The following TMEM178B variants were observed in gnomAD, a reference collection of about 807,000 sequenced individuals.
TMEM178B encodes transmembrane protein 178B.
In TMEM178B, 5 loss-of-function variants were observed where a neutral mutation model predicts 31.0. That is an observed-to-expected ratio of 0.16 (90% CI 0.08 to 0.34). The LOEUF (loss-of-function observed/expected upper bound fraction) is 0.34. Ranked by LOEUF, TMEM178B falls within the 10% of genes least tolerant of loss-of-function variation. The probability of loss-of-function intolerance (pLI) is 1.00; values close to 1 mark genes in which losing one functional copy is unlikely to be tolerated. For synonymous variants in TMEM178B, 164 were observed against 164.0 expected (o/e 1.00, Z 0.00); for missense variants, 275 against 400.3 (o/e 0.69, Z 2.67).
At chr7:141,362,627 T>A (rs1799935373) in intron 2 of TMEM178B, among the ~76,000 whole-genome samples, 1 of 152,150 alleles carries the variant, frequency 6.6e-6, no homozygotes, top group African/African-American at 2.4e-5. Context: ...AATCTAAGAA[T>A]CATCACTCTG....
intron 3 of TMEM178B, among the ~76,000 whole-genome samples, chr7:141,466,183 A>C (rs1490235832): frequency 1.3e-5 from 2 of 152,206 alleles, no homozygotes; most frequent in African/African-American, 2.4e-5. Context: ...CTCAAGTGGG[A>C]GACATAAAGG....
Position 141,344,519 on chromosome 7 carries a change from A to T in TMEM178B, c.497-93089A>T, listed in dbSNP as rs1238761843. Among the ~76,000 whole-genome samples, 2 of 152,064 alleles carry T rather than the reference A, an allele frequency of 1.3e-5. No individual in the cohort carries two copies. Among genetic ancestry groups the T allele is most frequent in the African/African-American group, 4.8e-5 (2 of 41,388 alleles). Reference sequence around the variant, plus strand: ...AAATTTTTAAAAATGTAATTTTAAGACTTTTTAAAGCTGGGATTTTAGTTT... The same window carrying T: ...AAATTTTTAAAAATGTAATTTTAAGTCTTTTTAAAGCTGGGATTTTAGTTT... On this transcript the variant is annotated intron_variant, in intron 2 of 3. Coordinates refer to ENST00000565468, the MANE Select transcript of TMEM178B (RefSeq NM_001195278.2). The surrounding 1 kb of genome is among the most constrained non-coding windows in gnomAD (Gnocchi z 4.1).
chr7:141,504,846 CAG>C, the TMEM178B span, among the ~76,000 whole-genome samples: 1 of 152,242 alleles, frequency 6.6e-6, no homozygotes, highest in African/African-American at 2.4e-5. Context: ...CAAAAGACAT[CAG>C]AGTCACTTTG....
intron 3 of TMEM178B, among the ~76,000 whole-genome samples, chr7:141,468,951 C>G (rs937628233): frequency 6.6e-6 from 1 of 152,176 alleles, no homozygotes; most frequent in Admixed American, 6.5e-5. Context: ...GCCACCCCAT[C>G]CTAATCTTTT....
At chr7:141,460,282 C>A (rs112221240) in intron 3 of TMEM178B, among the ~76,000 whole-genome samples, 2,199 of 152,324 alleles carry the variant, frequency 0.014, 54 homozygotes, top group African/African-American at 0.047. Flanking sequence ...GATGGCCTCC[C>A]TCTTCGGCCT....
chr7:141,319,787 G>A (rs1460251690), intron 2 of TMEM178B, among the ~76,000 whole-genome samples: 2 of 152,100 alleles, frequency 1.3e-5, no homozygotes, highest in African/African-American at 2.4e-5. Context: ...CAGAAAAATA[G>A]GCTTTAGAGA....
At chr7:141,126,691 A>C (rs1795502595) in intron 1 of TMEM178B, among the ~76,000 whole-genome samples, 1 of 152,192 alleles carries the variant, frequency 6.6e-6, no homozygotes, top group African/African-American at 2.4e-5. Context: ...TTTTAAATTC[A>C]GTTTTCTATT....
chr7:141,452,120 G>C (rs550770473), intron 3 of TMEM178B, among the ~76,000 whole-genome samples: 7 of 151,888 alleles, frequency 4.6e-5, no homozygotes, highest in Non-Finnish European at 5.9e-5. Context: ...AAACATGTCC[G>C]CTTGTCAACA....
intron 2 of TMEM178B, among the ~76,000 whole-genome samples, chr7:141,285,175 T>TTTTG (rs1318304630): frequency 6.9e-5 from 10 of 145,336 alleles, no homozygotes; most frequent in Middle Eastern, 3.5e-3. Flanking sequence ...TTTTTTTTTT[T>TTTTG]TTTGAGACGT....
At position 141,336,175 on chromosome 7, in the gene TMEM178B, GCTGCTCTTCCTCATC is replaced by G. The variant is rs1799383613; in HGVS notation, c.497-101429_497-101415del. On this transcript the variant is annotated intron_variant, in intron 2 of 3. Transcript: ENST00000565468. Reference sequence around the variant, plus strand: ...CATCCTGGGCTACACGACTTTATTTGCTGCTCTTCCTCATCCTGACTCTTTTTACCCACCCTGGCC... The same window carrying G: ...CATCCTGGGCTACACGACTTTATTTGCTGACTCTTTTTACCCACCCTGGCC... Among the ~76,000 whole-genome samples, 5 of 152,058 alleles carry G rather than the reference GCTGCTCTTCCTCATC, an allele frequency of 3.3e-5. No individual in the cohort carries two copies. In the South Asian group the frequency reaches 1.0e-3, roughly 32 times the overall value.
chr7:141,130,150 A>G (rs1454929139), intron 1 of TMEM178B, among the ~76,000 whole-genome samples: 1 of 152,232 alleles, frequency 6.6e-6, no homozygotes, highest in Non-Finnish European at 1.5e-5. Context: ...GAGATTCTTT[A>G]AAAATGCGAA....
intron 2 of TMEM178B, among the ~76,000 whole-genome samples, chr7:141,267,016 G>A (rs73167494): frequency 0.25 from 38,628 of 152,136 alleles, 6,130 homozygotes; most frequent in Non-Finnish European, 0.36. Context: ...CTTGGCCAGG[G>A]TGACAGTAGT....
intron 3 of TMEM178B, among the ~76,000 whole-genome samples, chr7:141,446,674 G>C (rs761388549): frequency 1.1e-4 from 17 of 152,142 alleles, no homozygotes; most frequent in Non-Finnish European, 2.2e-4. Context: ...TCTTGGACTA[G>C]CCATGTGGCC....
chr7:141,366,473 C>T lies in TMEM178B; in HGVS notation c.497-71135C>T, dbSNP rs1370955294. On this transcript the variant is annotated intron_variant, in intron 2 of 3. Coordinates refer to ENST00000565468, the MANE Select transcript of TMEM178B (RefSeq NM_001195278.2). ...GGATACATTTCCTTGTGTTTAAGGC[C>T]TCTTTGTTTCTGAAGGTTTAAAAAC... Among the ~76,000 whole-genome samples, 4 of 152,102 alleles carry T rather than the reference C, an allele frequency of 2.6e-5. 1 individual carries two copies. Among genetic ancestry groups the T allele is most frequent in the Non-Finnish European group, 5.9e-5 (4 of 68,014 alleles).
chr7:141,153,779 T>C (rs1318309927), intron 1 of TMEM178B, among the ~76,000 whole-genome samples: 1 of 152,242 alleles, frequency 6.6e-6, no homozygotes, highest in Non-Finnish European at 1.5e-5. Flanking sequence ...TTGATTTGGA[T>C]GAGCTCTTTA....
intron 1 of TMEM178B, among the ~76,000 whole-genome samples, chr7:141,126,941 C>T (rs1795507753): frequency 6.6e-6 from 1 of 151,470 alleles, no homozygotes; most frequent in Non-Finnish European, 1.5e-5. Flanking sequence ...CCAAAAGTTG[C>T]AAAGTGTGGA....
intron 1 of TMEM178B, among the ~76,000 whole-genome samples, chr7:141,115,289 A>G (rs1795301376): frequency 6.6e-6 from 1 of 150,850 alleles, no homozygotes; most frequent in Admixed American, 6.6e-5. Context: ...GATTCACCCA[A>G]CCTGGCCTCC....
intron 2 of TMEM178B, among the ~76,000 whole-genome samples, chr7:141,411,509 A>G (rs951771865): frequency 6.6e-6 from 1 of 152,240 alleles, no homozygotes; most frequent in Admixed American, 6.5e-5. Context: ...CATTTGTAAA[A>G]AACCAAAAAA....
At chr7:141,101,223 G>C (rs1795052218) in intron 1 of TMEM178B, among the ~76,000 whole-genome samples, 1 of 152,166 alleles carries the variant, frequency 6.6e-6, no homozygotes, top group African/African-American at 2.4e-5. Context: ...TTTGGGTTTG[G>C]CAGAAGTTAC....
Sources: gnomAD v4.1 joint callset for allele counts (sites outside exome capture counted in the v4.1 genomes callset) on GRCh38, gnomAD v4.1.1 for gene constraint, Gnocchi (gnomAD v3.1) non-coding constraint, MANE v1.5 for transcripts, NCBI Gene and HGNC (gene_info 2026-07-23, HGNC 2026-07-21) for gene names.